HNRNPUL2: variants seen among roughly 807,000 people sequenced by gnomAD.
The protein encoded by HNRNPUL2 is heterogeneous nuclear ribonucleoprotein U like 2, also known as heterogeneous nuclear ribonucleoprotein U-like protein 2.
HNRNPUL2 carries 27 observed loss-of-function variants against 102.2 expected under a neutral mutation model. The ratio of observed to expected loss-of-function variants is 0.26; its 90% CI spans 0.19 to 0.36. The LOEUF (loss-of-function observed/expected upper bound fraction) is 0.36. Ranked by LOEUF, HNRNPUL2 falls within the 10% of genes least tolerant of loss-of-function variation. The pLI, the probability that HNRNPUL2 is intolerant of heterozygous loss-of-function variation, is 1.00. For missense variants in HNRNPUL2, 936 were observed against 981.1 expected, an observed-to-expected ratio of 0.95 and a Z score of 0.61; for synonymous variants, 458 against 387.2, an observed-to-expected ratio of 1.18 and a Z score of -2.15.
rs1166935818 is a variant in HNRNPUL2 at position 62,727,354 on chromosome 11, C to G, written c.-198G>C. On this transcript the variant is annotated 5_prime_UTR_variant, in exon 1 of 14. Coordinates refer to ENST00000301785, the MANE Select transcript of HNRNPUL2 (RefSeq NM_001079559.3). ...CAGTGTTTGCTTCTCCTTCGTCTCC[C>G]CTCCCCCTTTCGGCTCACGGAGCCC... 1.6e-6 allele frequency: 1 copy of G among 614,948 alleles called. No homozygotes were observed. Among genetic ancestry groups the G allele is most frequent in the Non-Finnish European group, 2.3e-6 (1 of 437,504 alleles). The allele number at this position is 614,948 out of a possible 1,614,324, so 38.1% of individuals were successfully genotyped here.
At chr11:62,723,219 C>T (rs1033617230) in intron 4 of HNRNPUL2, among the ~76,000 whole-genome samples, 4 of 152,162 alleles carry the variant, frequency 2.6e-5, no homozygotes, top group South Asian at 4.1e-4. Flanking sequence ...CAGCCAGGTG[C>T]GGTAGCTCAT....
chr11:62,727,412 A>C lies in HNRNPUL2; in HGVS notation c.-256T>G. 1 of 359,348 alleles carries C rather than the reference A, an allele frequency of 2.8e-6. No homozygotes were observed. The allele number at this position is 359,348 out of a possible 1,614,324, so 22.3% of individuals were successfully genotyped here. The stretch of plus-strand genomic sequence containing the variant: ...CGCAGCAGGGAGCTGTTTCCCCTCC[A>C]GGCCCTTGGTTCCCCAGCCGCGGGC... On this transcript the variant is annotated 5_prime_UTR_variant, in exon 1 of 14. Coordinates refer to ENST00000301785, the MANE Select transcript of HNRNPUL2 (RefSeq NM_001079559.3).
intron 2 of HNRNPUL2, 117 bp downstream of exon 2, chr11:62,724,174 G>T: frequency 7.4e-7 from 1 of 1,358,374 alleles, no homozygotes; most frequent in Non-Finnish European, 1.0e-6. Flanking sequence ...TAAAACTCAT[G>T]CCTATAAAAA....
chr11:62,717,616 G>A (rs2083670300), intron 10 of HNRNPUL2, among the ~76,000 whole-genome samples: 1 of 152,234 alleles, frequency 6.6e-6, no homozygotes, highest in Non-Finnish European at 1.5e-5. Context: ...AGCATTTTGG[G>A]AGGCCAAGGC....
intron 10 of HNRNPUL2, 42 bp from the exon 11 acceptor site, chr11:62,717,231 T>A: frequency 6.8e-7 from 1 of 1,474,310 alleles, no homozygotes; most frequent in Non-Finnish European, 9.4e-7. Context: ...GAAAAGTGCA[T>A]AGATGGGTAA....
Position 62,727,278 on chromosome 11 carries a change from G to A in HNRNPUL2, c.-122C>T. The A allele has an allele frequency of 1.7e-6, 2 of 1,181,234 alleles. No homozygotes were observed. The highest frequency in any genetic ancestry group is 2.1e-6 in the Non-Finnish European group (2 of 946,318). The allele number at this position is 1,181,234 out of a possible 1,614,324, so 73.2% of individuals were successfully genotyped here. ...CCTCACGCGCCAGCACTGAGCCCGCGCGAGCGAGCGCACGCACGCAGGAGC... is the reference window on the plus strand; with the variant it reads ...CCTCACGCGCCAGCACTGAGCCCGCACGAGCGAGCGCACGCACGCAGGAGC... On this transcript the variant is annotated 5_prime_UTR_variant, in exon 1 of 14. Transcript: ENST00000301785.
Position 62,715,808 on chromosome 11 carries a change from C to G in HNRNPUL2, c.2055+56G>C, listed in dbSNP as rs547977650. 8.4e-5 allele frequency: 129 copies of G among 1,527,068 alleles called. 1 individual carries two copies. The African/African-American group carries it at 1.3e-3, about 16-fold the overall frequency. The allele number at this position is 1,527,068 out of a possible 1,614,324, so 94.6% of individuals were successfully genotyped here. On this transcript the variant is annotated intron_variant, in intron 12 of 13. Transcript: ENST00000301785. ...AGGCAAACCACTCTGCTCCCCCAAG[C>G]CAACAGAATGGCTCTCACAGCCCAG...
chr11:62,723,844 G>A (rs1431463342), intron 3 of HNRNPUL2, 70 bp downstream of exon 3: 2 of 1,598,442 alleles, frequency 1.3e-6, no homozygotes, highest in African/African-American at 2.7e-5. Flanking sequence ...TATAGGCTAT[G>A]AAGTTTTAAT....
chr11:62,723,275 T>C (rs1241192188), intron 4 of HNRNPUL2, among the ~76,000 whole-genome samples: 2 of 152,222 alleles, frequency 1.3e-5, no homozygotes, highest in Non-Finnish European at 2.9e-5. Flanking sequence ...GCGGATCACC[T>C]GAGGTCGGGA....
chr11:62,721,885 C>T lies in HNRNPUL2; in HGVS notation c.1417G>A (p.Ala473Thr). 1 of 1,614,172 alleles carries T rather than the reference C, an allele frequency of 6.2e-7. No individual in the cohort carries two copies. The highest frequency in any genetic ancestry group is 1.6e-4 in the Middle Eastern group (1 of 6,062). Residue 473 changes from alanine to threonine, a missense_variant, in exon 8 of 14, where the codon GCA (alanine) becomes ACA (threonine). Ala to Thr is a moderately conservative substitution (Grantham distance 58). This residue lies in a region of HNRNPUL2 where 609 missense variants were observed against 713.0 expected (regional missense o/e 0.85). Coordinates refer to ENST00000301785, the MANE Select transcript of HNRNPUL2 (RefSeq NM_001079559.3). The stretch of plus-strand genomic sequence containing the variant: ...TATCTTTTCTCAGGGTTTTCTTTTG[C>T]ATATTTCAGTGCCCACTGGGTCTTT... ...SGKTQWALKY[A>T]KENPEKRYNV... is the part of the protein sequence containing the mutation.
At chr11:62,725,268 G>A (rs1410561104) in intron 1 of HNRNPUL2, among the ~76,000 whole-genome samples, 1 of 152,192 alleles carries the variant, frequency 6.6e-6, no homozygotes, top group Non-Finnish European at 1.5e-5. Flanking sequence ...CGCGATCTCA[G>A]CTCACCGCAA....
chr11:62,715,628 G>A (rs745613690), intron 12 of HNRNPUL2, 21 bp from the exon 13 acceptor site: 1 of 1,578,598 alleles, frequency 6.3e-7, no homozygotes, highest in Non-Finnish European at 8.7e-7. Flanking sequence ...AAAAGAAAAA[G>A]GAGTGAAGGT....
Position 62,722,456 on chromosome 11 carries a change from T to C in HNRNPUL2, c.1096-76A>G. Reference sequence around the variant, plus strand: ...GATTAAACTTTACAATTTATTCTTTTTTCACACAGACTGCTGCACAAAGTA... The same window carrying C: ...GATTAAACTTTACAATTTATTCTTTCTTCACACAGACTGCTGCACAAAGTA... On this transcript the variant is annotated intron_variant, in intron 6 of 13. Transcript: ENST00000301785. 3 of 1,535,724 alleles carry C rather than the reference T, an allele frequency of 2.0e-6. No homozygotes were observed. In the South Asian group the frequency reaches 3.5e-5, roughly 18 times the overall value.
At position 62,724,373 on chromosome 11, in the gene HNRNPUL2, G is replaced by C; in HGVS notation, c.592C>G (p.Arg198Gly). ...SKPAGSDGER[R>G]GVKRQRDEKD... ...TCATCCCGCTGTCTCTTTACCCCCC[G>C]CCGCTCACCATCTGAGCCTGCTGGT... The change falls in exon 2 of 14, where the codon CGG (arginine) becomes GGG (glycine). Residue 198 changes from arginine (R) to glycine (G), a missense_variant. This residue lies in a region of HNRNPUL2 where 609 missense variants were observed against 713.0 expected (regional missense o/e 0.85). Transcript: ENST00000301785. The C allele has an allele frequency of 6.2e-7, 1 of 1,613,508 alleles. No homozygotes were observed. The highest frequency in any genetic ancestry group is 8.5e-7 in the Non-Finnish European group (1 of 1,179,718).
At position 62,724,278 on chromosome 11, in the gene HNRNPUL2, C is replaced by A. The variant is rs897864240; in HGVS notation, c.674+13G>T. On this transcript the variant is annotated intron_variant, in intron 2 of 13. Transcript: ENST00000301785. ...CAGACACTCCCTTCAACGAAAGGGA[C>A]TGTTTCCCTCACCGGCTGTGGTAAG... 2 of 1,613,868 alleles carry A rather than the reference C, an allele frequency of 1.2e-6. No homozygotes were observed. The highest frequency in any genetic ancestry group is 1.7e-6 in the Non-Finnish European group (2 of 1,179,896).
chr11:62,723,871 A>G, intron 3 of HNRNPUL2, 43 bp downstream of exon 3: 1 of 1,592,494 alleles, frequency 6.3e-7, no homozygotes, highest in Non-Finnish European at 8.6e-7. Context: ...AATCACTTTT[A>G]GGAGATTAGT....
rs1485371806 is a variant in HNRNPUL2 at position 62,721,902 on chromosome 11, T to C, written c.1400A>G (p.Gln467Arg). ...TTCTTTTGCATATTTCAGTGCCCAC[T>C]GGGTCTTTCCAGATCCGGGTAGTCC... ...MVGLPGSGKT[Q>R]WALKYAKENP... The change falls in exon 8 of 14, where the codon CAG becomes CGG. Residue 467 changes from glutamine (Q) to arginine (R), a missense_variant. Gln to Arg is a conservative substitution (Grantham distance 43, BLOSUM62 1). This residue lies in a region of HNRNPUL2 where 609 missense variants were observed against 713.0 expected (regional missense o/e 0.85). Coordinates refer to ENST00000301785, the MANE Select transcript of HNRNPUL2 (RefSeq NM_001079559.3). The C allele has an allele frequency of 6.2e-7, 1 of 1,614,100 alleles. No homozygotes were observed. Among genetic ancestry groups the C allele is most frequent in the Non-Finnish European group, 8.5e-7 (1 of 1,180,014 alleles).
Position 62,727,141 on chromosome 11 carries a change from G to A in HNRNPUL2, c.16C>T (p.Leu6=), listed in dbSNP as rs1045284239. MEVKR[L]KVTELRSELQ... ...TCCGACCGCAGCTCGGTCACTTTCA[G>A]CCGCTTCACCTCCATCGCCGCCGCC... Residue 6 remains leucine, a synonymous_variant, in exon 1 of 14, where the codon CTG becomes TTG. Transcript: ENST00000301785. 1.2e-5 allele frequency: 17 copies of A among 1,445,522 alleles called. No individual in the cohort carries two copies. The highest frequency in any genetic ancestry group is 6.6e-5 in the South Asian group (5 of 75,776). The allele number at this position is 1,445,522 out of a possible 1,614,324, so 89.5% of individuals were successfully genotyped here.
At position 62,721,718 on chromosome 11, in the gene HNRNPUL2, C is replaced by A. The variant is rs7115869; in HGVS notation, c.1482+102G>T. The A allele has an allele frequency of 7.3e-3, 9,778 of 1,340,934 alleles. 564 individuals are homozygous for A. In the African/African-American group the frequency reaches 0.13, roughly 17 times the overall value. The allele number at this position is 1,340,934 out of a possible 1,614,324, so 83.1% of individuals were successfully genotyped here. A position where few individuals can be genotyped will look rare whatever the true frequency, so the allele number is the denominator to read the frequency against. On this transcript the variant is annotated intron_variant, in intron 8 of 13. Transcript: ENST00000301785. The stretch of plus-strand genomic sequence containing the variant: ...AGAGAAAAATCTCATTTCTCTATTT[C>A]TGGGACCCTTGTTCTCAGACACTTG...
Sources: allele counts gnomAD v4.1 joint callset (sites outside exome capture counted in the v4.1 genomes callset), GRCh38; gene constraint gnomAD v4.1.1; regional missense constraint gnomAD v4.1.1; transcripts MANE v1.5; gene names NCBI Gene and HGNC (gene_info 2026-07-23, HGNC 2026-07-21).